The following WDR17 variants were observed in gnomAD, a reference collection of about 807,000 sequenced individuals.
WDR17 encodes WD repeat domain 17, also known as WD repeat-containing protein 17.
Under a neutral mutation model 161.7 loss-of-function variants are expected in WDR17, and 143 were observed. The ratio of observed to expected loss-of-function variants is 0.88; its 90% confidence interval spans 0.77 to 1.02. The LOEUF (loss-of-function observed/expected upper bound fraction) is 1.02. Ranked by LOEUF, WDR17 falls within the 50% of genes least tolerant of loss-of-function variation. The probability of loss-of-function intolerance (pLI) is 0.00; values close to 1 mark genes in which losing one functional copy is unlikely to be tolerated. For missense variants in WDR17, 1,469 were observed against 1,520.9 expected (o/e 0.97, Z 0.57); for synonymous variants, 517 against 515.6 (o/e 1.00, Z -0.04).
rs1253215590 is a variant in WDR17, at chr4:176,137,587, C to T, written c.1335C>T (p.Gly445=). 6.3e-7 allele frequency: 1 copy of T among 1,594,208 alleles called. No homozygotes were observed. The highest frequency in any genetic ancestry group is 1.7e-5 in the Admixed American group (1 of 59,264). ...NGAFIWNVQK[G]KIIQRFNEHG... ...CTTTTATTTGGAATGTTCAAAAGGG[C>T]AAAATTATACAACGATTTAATGAGG... The change falls in exon 9 of 29, where the codon GGC becomes GGT. Residue 445 remains glycine, a synonymous_variant. Coordinates refer to ENST00000508596, the MANE Select transcript of WDR17 (RefSeq NM_181265.4).
chr4:176,150,552 A>G lies in WDR17; in HGVS notation c.2263A>G (p.Lys755Glu). Reference sequence around the variant, plus strand: ...TAGCTTACTTCCTCAGAACTACTGCAAAGGAATAATGCACTTGAAACATCT... The same window carrying G: ...TAGCTTACTTCCTCAGAACTACTGCGAAGGAATAATGCACTTGAAACATCT... ...DDSLLPQNYC[K>E]GIMHLKHLIK... The change falls in exon 16 of 29, where the codon AAA (lysine) becomes GAA (glutamate). Residue 755 changes from lysine (K) to glutamate (E), a missense_variant. Physicochemically the swap from Lys to Glu is moderately conservative, Grantham distance 56. Transcript: ENST00000508596. 1 of 1,611,390 alleles carries G rather than the reference A, an allele frequency of 6.2e-7. No homozygotes were observed. Among genetic ancestry groups the G allele is most frequent in the Non-Finnish European group, 8.5e-7 (1 of 1,179,006 alleles).
chr4:176,148,970 A>G (rs1199415852), intron 13 of WDR17, among the ~76,000 whole-genome samples: 1 of 152,192 alleles, frequency 6.6e-6, no homozygotes, highest in Non-Finnish European at 1.5e-5. Context: ...ACCTCAATCT[A>G]GATCAGGTTC....
chr4:176,146,247 A>AGATATAT, intron 12 of WDR17, 88 bp downstream of exon 12: 1 of 1,349,974 alleles, frequency 7.4e-7, no homozygotes, highest in East Asian at 2.5e-5. Context: ...GGAGATATAT[A>AGATATAT]GATATATACA....
intron 1 of WDR17, among the ~76,000 whole-genome samples, chr4:176,092,726 A>G (rs1736286450): frequency 6.6e-6 from 1 of 152,202 alleles, no homozygotes; most frequent in Non-Finnish European, 1.5e-5. Flanking sequence ...GCATTTCTAT[A>G]TGCCAACAGT....
chr4:176,091,514 C>T (rs1204165253), intron 1 of WDR17, among the ~76,000 whole-genome samples: 2 of 152,018 alleles, frequency 1.3e-5, no homozygotes, highest in Non-Finnish European at 2.9e-5. Flanking sequence ...GAAACATTTA[C>T]AGCAATAAAT....
At chr4:176,138,459 C>T in intron 9 of WDR17, among the ~76,000 whole-genome samples, 1 of 151,676 alleles carries the variant, frequency 6.6e-6, no homozygotes, top group African/African-American at 2.4e-5. Flanking sequence ...ATTTTGCACT[C>T]AAAAAAGGAA....
At chr4:176,081,383 G>T (rs1371742718) in intron 1 of WDR17, among the ~76,000 whole-genome samples, 1 of 152,006 alleles carries the variant, frequency 6.6e-6, no homozygotes. Flanking sequence ...TTTAGGCACA[G>T]AAAAATAATT....
At chr4:176,097,982 G>A (rs1254672787) in intron 1 of WDR17, among the ~76,000 whole-genome samples, 1 of 151,858 alleles carries the variant, frequency 6.6e-6, no homozygotes, top group East Asian at 1.9e-4. Flanking sequence ...TGTAGCTGTT[G>A]TTAAAATATA....
In WDR17 at chr4:176,163,400, C is replaced by T. The variant is rs1749332244; in HGVS notation, c.2990+107C>T. ...ATGCATTGGGAGAATATAGGATCAC[C>T]TTGTTTATAAAGGATAAGATTGTGG... On this transcript the variant is annotated intron_variant, in intron 22 of 28. Coordinates refer to ENST00000508596, the MANE Select transcript of WDR17 (RefSeq NM_181265.4). The T allele has an allele frequency of 1.1e-5, 14 of 1,232,220 alleles. No individual in the cohort carries two copies. In the East Asian group the frequency reaches 3.3e-4, roughly 29 times the overall value. 76.3% of individuals were successfully genotyped at this position (1,232,220 alleles called of 1,614,324 possible).
intron 1 of WDR17, among the ~76,000 whole-genome samples, chr4:176,102,333 C>T (rs77874709): frequency 0.012 from 1,781 of 152,256 alleles, 19 homozygotes; most frequent in Non-Finnish European, 0.019. Flanking sequence ...ATTAGAATGG[C>T]TAATATCCAA....
At chr4:176,173,168 GGACT>G (rs751560961) in intron 24 of WDR17, 95 bp from the exon 25 acceptor site, 14 of 734,844 alleles carry the variant, frequency 1.9e-5, no homozygotes, top group South Asian at 4.3e-5. Flanking sequence ...GAGGTAAGTA[GGACT>G]GACTGACAGA....
chr4:176,139,817 T>G, intron 9 of WDR17, 75 bp from the exon 10 acceptor site: 2 of 1,226,314 alleles, frequency 1.6e-6, no homozygotes, highest in Non-Finnish European at 2.3e-6. Context: ...AAAGTAATAC[T>G]TAGAAGAAGT....
At chr4:176,156,437 A>T (rs1231677052) in intron 18 of WDR17, among the ~76,000 whole-genome samples, 3 of 152,160 alleles carry the variant, frequency 2.0e-5, no homozygotes, top group Non-Finnish European at 4.4e-5. Context: ...TTGCTATTGA[A>T]ATATAAGTGG....
intron 1 of WDR17, among the ~76,000 whole-genome samples, chr4:176,081,093 T>C (rs1365291556): frequency 1.3e-5 from 2 of 152,130 alleles, no homozygotes; most frequent in African/African-American, 4.8e-5. Context: ...AGTTAATTAG[T>C]TCAGCCCCTT....
intron 1 of WDR17, among the ~76,000 whole-genome samples, chr4:176,098,814 TA>T (rs997236689): frequency 2.6e-5 from 4 of 152,070 alleles, no homozygotes; most frequent in African/African-American, 9.6e-5. Flanking sequence ...AAAAAATATC[TA>T]TTTTTTTTGA....
At chr4:176,143,496 T>G in intron 11 of WDR17, among the ~76,000 whole-genome samples, 1 of 132,442 alleles carries the variant, frequency 7.6e-6, no homozygotes, top group Admixed American at 7.4e-5. Flanking sequence ...AGACTTCGTC[T>G]CTTAAAAAAA....
chr4:176,169,017 GA>G (rs1750307376), intron 23 of WDR17, among the ~76,000 whole-genome samples: 1 of 152,064 alleles, frequency 6.6e-6, no homozygotes, highest in Non-Finnish European at 1.5e-5. Flanking sequence ...ATAAAACTTT[GA>G]AAAGCATGGG....
chr4:176,109,027 C>T (rs889379635), intron 1 of WDR17, among the ~76,000 whole-genome samples: 13 of 152,116 alleles, frequency 8.5e-5, no homozygotes, highest in African/African-American at 2.4e-4. Context: ...TGGGTTCAAG[C>T]GATCCACCCA....
At chr4:176,173,881 T>C (rs1213592389) in intron 25 of WDR17, among the ~76,000 whole-genome samples, 1 of 150,602 alleles carries the variant, frequency 6.6e-6, no homozygotes, top group Non-Finnish European at 1.5e-5. Context: ...ATATTAGTGG[T>C]CCCACTTAAT....
Sources: allele counts gnomAD v4.1 joint callset (sites outside exome capture counted in the v4.1 genomes callset), GRCh38; gene constraint gnomAD v4.1.1; transcripts MANE v1.5; gene names NCBI Gene and HGNC (gene_info 2026-07-23, HGNC 2026-07-21).